The following PTPRT variants were observed in gnomAD, a reference collection of about 807,000 sequenced individuals.
The protein encoded by PTPRT is receptor-type tyrosine-protein phosphatase T.
PTPRT carries 56 observed loss-of-function variants against 176.8 expected under a neutral mutation model. That is an observed-to-expected ratio of 0.32 (90% CI 0.26 to 0.40). The LOEUF (loss-of-function observed/expected upper bound fraction) is 0.40. PTPRT is among the 10% of genes least tolerant of loss of function. The pLI, the probability that PTPRT is intolerant of heterozygous loss-of-function variation, is 1.00. For synonymous variants in PTPRT, 783 were observed against 739.0 expected, an observed-to-expected ratio of 1.06 and a Z score of -0.96; for missense variants, 1,540 against 1,908.2, an observed-to-expected ratio of 0.81 and a Z score of 3.60.
intron 30 of PTPRT, 84 bp downstream of exon 30, chr20:42,081,798 G>A (rs1427212675): frequency 9.3e-6 from 14 of 1,510,838 alleles, no homozygotes; most frequent in Non-Finnish European, 1.2e-5. Context: ...GGTGTTGAGT[G>A]ATGTTACTAT....
chr20:42,561,378 T>C (rs116801376), intron 7 of PTPRT, among the ~76,000 whole-genome samples: 5,203 of 152,182 alleles, frequency 0.034, 173 homozygotes, highest in South Asian at 0.099. Context: ...TGGGTCTGAG[T>C]TGTTTCTGGA....
rs537310331 is a variant in PTPRT, at chr20:42,709,056, G to A, written c.860-30897C>T. 7.9e-5 allele frequency among the ~76,000 whole-genome samples: 12 copies of A among 152,338 alleles called. No homozygotes were observed. The South Asian group carries it at 2.3e-3, about 29-fold the overall frequency. On this transcript the variant is annotated intron_variant, in intron 6 of 30. Transcript: ENST00000373187. Reference sequence around the variant, plus strand: ...ACTGAAAATCCAAATACTACATGGTGTAATGTAAACTCAGAGGCATGCCAA... The same window carrying A: ...ACTGAAAATCCAAATACTACATGGTATAATGTAAACTCAGAGGCATGCCAA...
rs190481867 is a variant in PTPRT, at chr20:43,046,364, C to A, written c.88+143282G>T. 2.6e-3 allele frequency among the ~76,000 whole-genome samples: 394 copies of A among 151,880 alleles called. 3 individuals are homozygous for A. Among genetic ancestry groups the A allele is most frequent in the Non-Finnish European group, 4.5e-3 (304 of 67,940 alleles). On this transcript the variant is annotated intron_variant, in intron 1 of 30. Transcript: ENST00000373187. The stretch of plus-strand genomic sequence containing the variant: ...AGGCAGGCGGATCATGAGGTCAGAT[C>A]GAGACCATCCTGGCTAACACCGTGA...
intron 1 of PTPRT, among the ~76,000 whole-genome samples, chr20:43,042,115 C>T (rs1986631422): frequency 6.6e-6 from 1 of 152,196 alleles, no homozygotes; most frequent in Non-Finnish European, 1.5e-5. Flanking sequence ...TTAGATGGAA[C>T]AAGACATGTT....
intron 18 of PTPRT, among the ~76,000 whole-genome samples, chr20:42,130,322 G>T (rs13040024): frequency 4.6e-5 from 7 of 152,180 alleles, no homozygotes; most frequent in Non-Finnish European, 8.8e-5. Context: ...GGTGGAGTTG[G>T]CAGTGCTCAG....
chr20:43,169,701 C>A (rs1339571594), intron 1 of PTPRT, among the ~76,000 whole-genome samples: 1 of 151,790 alleles, frequency 6.6e-6, no homozygotes, highest in African/African-American at 2.4e-5. Context: ...TACCGTAAAC[C>A]AATATCCCTC....
intron 19 of PTPRT, among the ~76,000 whole-genome samples, chr20:42,122,065 G>A (rs1451137978): frequency 2.0e-5 from 3 of 152,090 alleles, no homozygotes; most frequent in Non-Finnish European, 4.4e-5. Flanking sequence ...AATTTAATAG[G>A]TGCAATGTAT....
At chr20:42,580,659 T>C (rs1403719503) in intron 7 of PTPRT, among the ~76,000 whole-genome samples, 2 of 152,192 alleles carry the variant, frequency 1.3e-5, no homozygotes, top group Non-Finnish European at 2.9e-5. Context: ...TTATTCTCTT[T>C]GAAGCAATTG....
At chr20:42,791,496 G>C (rs769146304) in intron 2 of PTPRT, 30 bp from the exon 3 acceptor site, 1 of 1,577,004 alleles carries the variant, frequency 6.3e-7, no homozygotes. Context: ...GTGGGAAGTA[G>C]AGACAAAGAG....
intron 2 of PTPRT, among the ~76,000 whole-genome samples, chr20:42,828,815 C>T (rs560848048): frequency 6.6e-6 from 1 of 152,292 alleles, no homozygotes; most frequent in Admixed American, 6.5e-5. Flanking sequence ...TATGGAAACA[C>T]CTGGATGTCC....
chr20:42,348,014 T>C (rs2058220474), intron 11 of PTPRT, among the ~76,000 whole-genome samples: 1 of 152,240 alleles, frequency 6.6e-6, no homozygotes, highest in Non-Finnish European at 1.5e-5. Flanking sequence ...ACTGTATCCC[T>C]ATTGCTTAGC....
chr20:42,651,249 T>C (rs191403346), intron 7 of PTPRT, among the ~76,000 whole-genome samples: 195 of 152,218 alleles, frequency 1.3e-3, no homozygotes, highest in Non-Finnish European at 2.0e-3. Flanking sequence ...TATATTAAAC[T>C]AGAATAAATA....
chr20:42,986,529 G>A (rs1983588805), intron 1 of PTPRT, among the ~76,000 whole-genome samples: 2 of 152,178 alleles, frequency 1.3e-5, no homozygotes, highest in African/African-American at 4.8e-5. Flanking sequence ...GACAGTTTCT[G>A]AATGGAGCTT....
At chr20:42,067,337 G>C in the PTPRT span, among the ~76,000 whole-genome samples, 126,693 of 152,068 alleles carry the variant, frequency 0.83, 53,212 homozygotes, top group African/African-American at 0.93. Flanking sequence ...GCCCCCATCT[G>C]TTTTCCTGTC....
intron 1 of PTPRT, among the ~76,000 whole-genome samples, chr20:43,112,752 C>T (rs983701521): frequency 2.0e-5 from 3 of 152,200 alleles, no homozygotes; most frequent in Admixed American, 6.5e-5. Flanking sequence ...TTTTATTAAC[C>T]CCATATGGCC....
chr20:42,582,389 G>C lies in PTPRT; in HGVS notation c.1153+95477C>G, dbSNP rs7509374. 1.7e-3 allele frequency among the ~76,000 whole-genome samples: 262 copies of C among 152,278 alleles called. 1 individual carries two copies. The highest frequency in any genetic ancestry group is 6.2e-3 in the African/African-American group (257 of 41,548). On this transcript the variant is annotated intron_variant, in intron 7 of 30. Transcript: ENST00000373187. The stretch of plus-strand genomic sequence containing the variant: ...ATCACAGGCTGGAACACACTGTCCA[G>C]AATTCAGATGGACAGAGACAGGATC...
Position 42,709,231 on chromosome 20 carries a change from T to C in PTPRT, c.860-31072A>G, listed in dbSNP as rs140746524. Among the ~76,000 whole-genome samples the C allele has an allele frequency of 2.1e-3, 323 of 152,334 alleles. 1 individual carries two copies. Among genetic ancestry groups the C allele is most frequent in the African/African-American group, 7.6e-3 (315 of 41,582 alleles). On this transcript the variant is annotated intron_variant, in intron 6 of 30. Transcript: ENST00000373187. ...TACAGATGGCGGCTGCTCTATCATC[T>C]TGCAGTGTGTTACGGATGTTTGTCC...
chr20:42,077,443 G>A lies in PTPRT; in HGVS notation c.*3436C>T, dbSNP rs943916322. Reference sequence around the variant, plus strand: ...CATCTATGAGGTAAGAGCTCCTGTTGTAAAGACTCAGAGAGCATTAATAAT... The same window carrying A: ...CATCTATGAGGTAAGAGCTCCTGTTATAAAGACTCAGAGAGCATTAATAAT... On this transcript the variant is annotated 3_prime_UTR_variant, in exon 31 of 31. Coordinates refer to ENST00000373187, the MANE Select transcript of PTPRT (RefSeq NM_007050.6). 1 of 224,018 alleles carries A rather than the reference G, an allele frequency of 4.5e-6. No individual in the cohort carries two copies. The highest frequency in any genetic ancestry group is 8.9e-6 in the Non-Finnish European group (1 of 112,266). The allele number at this position is 224,018 out of a possible 1,614,324, so 13.9% of individuals were successfully genotyped here. A position where few individuals can be genotyped will look rare whatever the true frequency, so the allele number is the denominator to read the frequency against.
At chr20:42,318,181 G>T (rs145341570) in intron 11 of PTPRT, among the ~76,000 whole-genome samples, 6 of 152,278 alleles carry the variant, frequency 3.9e-5, no homozygotes, top group African/African-American at 1.4e-4. Flanking sequence ...GTCAATAAAC[G>T]TTTAAATTAA....
Sources: allele counts gnomAD v4.1 joint callset (sites outside exome capture counted in the v4.1 genomes callset), GRCh38; gene constraint gnomAD v4.1.1; transcripts MANE v1.5; gene names NCBI Gene and HGNC (gene_info 2026-07-23, HGNC 2026-07-21).